The following HDAC9 variants were observed in gnomAD, a reference collection of about 807,000 sequenced individuals.
HDAC9 encodes the protein histone deacetylase 9.
HDAC9 carries 41 observed loss-of-function variants against 139.4 expected under a neutral mutation model. That is an observed-to-expected ratio of 0.29 (90% CI 0.23 to 0.38). The LOEUF (loss-of-function observed/expected upper bound fraction) is 0.38, where lower values mean the gene tolerates loss of function less well. Among genes scored for constraint, HDAC9 ranks in the 10% least tolerant of loss-of-function variants. The pLI is 1.00. For missense variants in HDAC9, 1,147 were observed against 1,297.0 expected, an observed-to-expected ratio of 0.88 and a Z score of 1.78; for synonymous variants, 517 against 476.2, an observed-to-expected ratio of 1.09 and a Z score of -1.12.
chr7:18,327,640 C>T (rs1800565103), intron 1 of HDAC9: 1 of 151,596 alleles, frequency 6.6e-6, no homozygotes, highest in African/African-American at 2.4e-5. Context: ...TTATATCTGG[C>T]ATAAATGAGA....
At chr7:18,189,919 T>C (rs11770856) in intron 2 of HDAC9, among the ~76,000 whole-genome samples, 1 of 135,500 alleles carries the variant, frequency 7.4e-6, no homozygotes, top group African/African-American at 2.9e-5. Context: ...AACTTGTGTG[T>C]GGTGTGTGTG....
In HDAC9 at chr7:18,732,845, ACG is replaced by A. The variant is rs1786339428; in HGVS notation, c.1909+5089_1909+5090del. On this transcript the variant is annotated intron_variant, in intron 13 of 25. Transcript: ENST00000686413. ...TGTATGTGTGCGTATGTGTACACAC[ACG>A]TGTGTATGTGTGCGTATGTGTACAC... is the stretch of plus-strand genomic sequence containing the variant. Among the ~76,000 whole-genome samples, 8 of 105,560 alleles carry A rather than the reference ACG, an allele frequency of 7.6e-5. 1 individual carries two copies. The highest frequency in any genetic ancestry group is 2.2e-4 in the African/African-American group (5 of 22,832). The allele number at this position is 105,560 out of a possible 152,430, so 69.3% of individuals were successfully genotyped here.
intron 2 of HDAC9, among the ~76,000 whole-genome samples, chr7:18,515,170 A>G (rs1044515997): frequency 3.9e-5 from 6 of 152,194 alleles, no homozygotes; most frequent in Non-Finnish European, 5.9e-5. Flanking sequence ...TGATATTTAA[A>G]TGATGCCAAA....
At chr7:18,811,242 T>A (rs555513756) in intron 17 of HDAC9, among the ~76,000 whole-genome samples, 1 of 151,642 alleles carries the variant, frequency 6.6e-6, no homozygotes, top group South Asian at 2.1e-4. Context: ...GTTTCCTATT[T>A]TACTGACTTC....
chr7:18,245,899 G>A (rs531834042), intron 2 of HDAC9, among the ~76,000 whole-genome samples: 2 of 151,886 alleles, frequency 1.3e-5, no homozygotes, highest in African/African-American at 4.8e-5. Context: ...CAGGCTTAAT[G>A]TTTCCAGAAG....
intron 2 of HDAC9, among the ~76,000 whole-genome samples, chr7:18,191,107 C>A (rs1431151514): frequency 1.3e-5 from 2 of 152,178 alleles, no homozygotes; most frequent in South Asian, 2.1e-4. Flanking sequence ...GAGAACTTAA[C>A]CATTAATACC....
At chr7:18,098,091 TTAAAC>T (rs1782623790) in intron 1 of HDAC9, among the ~76,000 whole-genome samples, 1 of 152,236 alleles carries the variant, frequency 6.6e-6, no homozygotes, top group Admixed American at 6.5e-5. Flanking sequence ...CCATATGCAT[TTAAAC>T]ATTACAACTC....
intron 21 of HDAC9, among the ~76,000 whole-genome samples, chr7:18,868,592 T>C (rs1030445257): frequency 6.6e-6 from 1 of 152,222 alleles, no homozygotes; most frequent in African/African-American, 2.4e-5. Flanking sequence ...TTAGTTTTTT[T>C]CTACAGTTCC....
chr7:18,482,416 A>AAAAAAAAAAAAAAAAAAAAC (rs1363675050), intron 1 of HDAC9, among the ~76,000 whole-genome samples: 1 of 139,564 alleles, frequency 7.2e-6, no homozygotes, highest in African/African-American at 2.7e-5. Flanking sequence ...AAAAAAAAAA[A>AAAAAAAAAAAAAAAAAAAAC]ATTCTCCTTG....
chr7:18,859,514 C>T (rs566598198), intron 21 of HDAC9, among the ~76,000 whole-genome samples: 4 of 151,162 alleles, frequency 2.6e-5, no homozygotes, highest in African/African-American at 9.7e-5. Flanking sequence ...AATGAGCTTG[C>T]CTTTTGTCTT....
chr7:18,948,810 A>C (rs750843351), intron 23 of HDAC9: 4 of 178,256 alleles, frequency 2.2e-5, no homozygotes, highest in Non-Finnish European at 4.7e-5. Context: ...TAAATTTCTC[A>C]CTCTGCATTA....
At chr7:18,765,310 T>C (rs996227369) in intron 15 of HDAC9, among the ~76,000 whole-genome samples, 2 of 152,170 alleles carry the variant, frequency 1.3e-5, no homozygotes, top group African/African-American at 2.4e-5. Flanking sequence ...TTAATAATTT[T>C]TTTCAATTAC....
intron 7 of HDAC9, among the ~76,000 whole-genome samples, chr7:18,629,928 A>G (rs1442572379): frequency 1.3e-5 from 2 of 152,168 alleles, no homozygotes; most frequent in African/African-American, 4.8e-5. Context: ...CTTTTCAACA[A>G]ATTTACAGAA....
At chr7:18,392,315 T>TCTCTCTCTCA (rs1554402177) in intron 1 of HDAC9, among the ~76,000 whole-genome samples, 1 of 119,298 alleles carries the variant, frequency 8.4e-6, no homozygotes, top group Non-Finnish European at 1.8e-5. Flanking sequence ...TCTCTCTCTC[T>TCTCTCTCTCA]CACACACACA....
chr7:18,598,754 G>A (rs1833149334), intron 6 of HDAC9, among the ~76,000 whole-genome samples: 1 of 152,066 alleles, frequency 6.6e-6, no homozygotes, highest in African/African-American at 2.4e-5. Context: ...TTTATTAATA[G>A]AACAACCAAA....
chr7:18,666,659 C>G (rs1794971163), intron 12 of HDAC9, 183 bp downstream of exon 12: 1 of 1,393,794 alleles, frequency 7.2e-7, no homozygotes, highest in South Asian at 1.6e-5. Flanking sequence ...AGAGGTCTTT[C>G]TATATACTGA....
At chr7:18,407,299 A>G (rs900403326) in intron 1 of HDAC9, among the ~76,000 whole-genome samples, 8 of 152,186 alleles carry the variant, frequency 5.3e-5, no homozygotes, top group Non-Finnish European at 8.8e-5. Context: ...CCCAAGAGTC[A>G]TTTGTTCAAA....
intron 1 of HDAC9, among the ~76,000 whole-genome samples, chr7:18,305,743 T>C (rs1798864990): frequency 7.3e-6 from 1 of 137,740 alleles, no homozygotes; most frequent in South Asian, 2.2e-4. Context: ...ACAAGACATA[T>C]GCATAGCACA....
intron 1 of HDAC9, among the ~76,000 whole-genome samples, chr7:18,110,843 G>T (rs927434354): frequency 3.9e-5 from 6 of 152,158 alleles, no homozygotes; most frequent in African/African-American, 1.4e-4. Flanking sequence ...AGACAAAATG[G>T]ATATGATAGA....
Sources: allele counts gnomAD v4.1 joint callset (sites outside exome capture counted in the v4.1 genomes callset), GRCh38; gene constraint gnomAD v4.1.1; transcripts MANE v1.5; gene names NCBI Gene and HGNC (gene_info 2026-07-23, HGNC 2026-07-21).